BACH2: variants seen among roughly 807,000 people sequenced by gnomAD.
BACH2 encodes transcription regulator protein BACH2.
Under a neutral mutation model 61.8 loss-of-function variants are expected in BACH2, and 5 were observed. The observed-to-expected ratio is 0.08, with a 90% CI of 0.04 to 0.17. BACH2 has a LOEUF of 0.17. BACH2 is among the 10% of genes least tolerant of loss of function. BACH2 has a pLI of 1.00. For missense variants in BACH2, 824 were observed against 1,091.1 expected, an observed-to-expected ratio of 0.76 and a Z score of 3.45; for synonymous variants, 446 against 440.1, an observed-to-expected ratio of 1.01 and a Z score of -0.17.
At chr6:90,243,325 A>G (rs1473548755) in intron 3 of BACH2, among the ~76,000 whole-genome samples, 2 of 152,086 alleles carry the variant, frequency 1.3e-5, no homozygotes, top group Non-Finnish European at 2.9e-5. Context: ...TTGTGATGCC[A>G]ATAACTCCAT....
At chr6:89,966,505 T>C in intron 6 of BACH2, among the ~76,000 whole-genome samples, 1 of 152,208 alleles carries the variant, frequency 6.6e-6, no homozygotes, top group East Asian at 1.9e-4. Context: ...TACCACTCTG[T>C]AGCTTTTAGG....
chr6:89,963,707 G>A (rs574258265), intron 6 of BACH2, among the ~76,000 whole-genome samples: 1 of 152,270 alleles, frequency 6.6e-6, no homozygotes, highest in Non-Finnish European at 1.5e-5. Context: ...CCAGTTTGGG[G>A]GATATTTTCA....
At chr6:90,097,909 C>T (rs1024346192) in intron 4 of BACH2, among the ~76,000 whole-genome samples, 6 of 152,114 alleles carry the variant, frequency 3.9e-5, no homozygotes, top group Non-Finnish European at 5.9e-5. Context: ...ACCTTTCATA[C>T]GAATTAGCTT....
chr6:90,085,086 T>C (rs1321737612), intron 5 of BACH2, among the ~76,000 whole-genome samples: 2 of 152,186 alleles, frequency 1.3e-5, no homozygotes, highest in East Asian at 3.9e-4. Flanking sequence ...AGTTCCATCC[T>C]GTGTGTTCCT....
intron 5 of BACH2, among the ~76,000 whole-genome samples, chr6:90,053,035 A>G (rs1780133417): frequency 6.6e-6 from 1 of 152,124 alleles, no homozygotes; most frequent in Non-Finnish European, 1.5e-5. Flanking sequence ...GTTATACACT[A>G]GTTCTTTTCT....
At chr6:90,243,872 G>A (rs1392219230) in intron 3 of BACH2, among the ~76,000 whole-genome samples, 1 of 152,122 alleles carries the variant, frequency 6.6e-6, no homozygotes. Context: ...TTCATTGATT[G>A]GAATAGCTCA....
chr6:90,011,485 A>G (rs917311491), intron 5 of BACH2, among the ~76,000 whole-genome samples: 1 of 151,090 alleles, frequency 6.6e-6, no homozygotes. Context: ...TACATTTATG[A>G]ATCTATTTAT....
chr6:90,002,273 A>G (rs1777173502), intron 6 of BACH2, among the ~76,000 whole-genome samples: 2 of 152,154 alleles, frequency 1.3e-5, no homozygotes, highest in South Asian at 4.1e-4. Context: ...TCCAAGGCTC[A>G]ATCCTGGGAC....
At chr6:90,250,180 A>G (rs1306213903) in intron 3 of BACH2, among the ~76,000 whole-genome samples, 2 of 152,228 alleles carry the variant, frequency 1.3e-5, no homozygotes. Context: ...TGGTGACCAG[A>G]TCTGAATGAA....
At chr6:90,167,637 G>T (rs191627743) in intron 4 of BACH2, among the ~76,000 whole-genome samples, 3 of 152,296 alleles carry the variant, frequency 2.0e-5, no homozygotes, top group African/African-American at 7.2e-5. Flanking sequence ...GGGGTTATAG[G>T]CATGAGCCAC....
chr6:89,955,245 A>T (rs1774361089), intron 6 of BACH2, among the ~76,000 whole-genome samples: 1 of 152,202 alleles, frequency 6.6e-6, no homozygotes, highest in Non-Finnish European at 1.5e-5. Flanking sequence ...TAGTGGTGTG[A>T]GGGAAGGATA....
intron 3 of BACH2, among the ~76,000 whole-genome samples, chr6:90,238,167 A>G (rs1371463674): frequency 2.0e-5 from 3 of 152,224 alleles, no homozygotes; most frequent in Non-Finnish European, 4.4e-5. Flanking sequence ...AGAGAATTTT[A>G]TAATAGTCTC....
chr6:90,084,436 A>G lies in BACH2; in HGVS notation c.-13+4525T>C, dbSNP rs116725704. ...TAGATTCCATATCCATGCCCTTTCA[A>G]CTCAAGCTTAGGGTGGATGTCAAAG... On this transcript the variant is annotated intron_variant, in intron 5 of 8. Transcript: ENST00000257749. Among the ~76,000 whole-genome samples the G allele has an allele frequency of 3.8e-3, 579 of 151,476 alleles. 3 individuals carry two copies. The highest frequency in any genetic ancestry group is 0.014 in the African/African-American group (558 of 41,246).
At chr6:90,038,849 C>T (rs1261081194) in intron 5 of BACH2, among the ~76,000 whole-genome samples, 2 of 151,762 alleles carry the variant, frequency 1.3e-5, no homozygotes, top group Middle Eastern at 3.4e-3. Context: ...CCAGCCTGGC[C>T]GACATGGTGA....
intron 4 of BACH2, among the ~76,000 whole-genome samples, chr6:90,197,454 AGTAGAATTCTCTTAATT>A (rs1768798350): frequency 6.6e-6 from 1 of 152,356 alleles, no homozygotes; most frequent in South Asian, 2.1e-4. Flanking sequence ...CAATTAACTA[AGTAGAATTCTCTTAATT>A]GTATCTATTA....
intron 1 of BACH2, among the ~76,000 whole-genome samples, chr6:90,281,517 A>G (rs1335605382): frequency 6.6e-6 from 1 of 152,004 alleles, no homozygotes; most frequent in Non-Finnish European, 1.5e-5. Context: ...CCACTCCTTC[A>G]CCTCTGGAGG....
intron 2 of BACH2, among the ~76,000 whole-genome samples, chr6:90,267,915 T>C (rs1447725118): frequency 6.6e-6 from 1 of 151,996 alleles, no homozygotes; most frequent in Non-Finnish European, 1.5e-5. Context: ...TTTTTCTATA[T>C]TCACCTAAAT....
chr6:90,080,841 C>A (rs536680943), intron 5 of BACH2: 1 of 902,810 alleles, frequency 1.1e-6, no homozygotes, highest in Admixed American at 6.2e-5. Flanking sequence ...GAGCTAACAC[C>A]GTCTTCATGC....
chr6:90,055,271 T>A (rs959708137), intron 5 of BACH2, among the ~76,000 whole-genome samples: 2 of 151,668 alleles, frequency 1.3e-5, no homozygotes, highest in Non-Finnish European at 2.9e-5. Context: ...TGCAGAGAAG[T>A]CCGTAAAGGA....
Sources: allele counts gnomAD v4.1 joint callset (sites outside exome capture counted in the v4.1 genomes callset), GRCh38; gene constraint gnomAD v4.1.1; transcripts MANE v1.5; gene names NCBI Gene and HGNC (gene_info 2026-07-23, HGNC 2026-07-21).